Variants in STOX1 observed in about 807,000 individuals in gnomAD.
The protein encoded by STOX1 is storkhead box 1, also known as storkhead-box protein 1.
STOX1 carries 57 observed loss-of-function variants against 74.8 expected under a neutral mutation model. The ratio of observed to expected loss-of-function variants is 0.76; its 90% CI spans 0.62 to 0.95. The LOEUF (loss-of-function observed/expected upper bound fraction) is 0.95. Among genes scored for constraint, STOX1 ranks in the 40% least tolerant of loss-of-function variants. The pLI, the probability that STOX1 is intolerant of heterozygous loss-of-function variation, is 0.00. For missense variants in STOX1, 1,010 were observed against 1,117.0 expected (o/e 0.90, Z 1.37); for synonymous variants, 375 against 401.3 (o/e 0.93, Z 0.78).
At chr10:68,860,421 AAATTAG>A (rs1840235920) in intron 1 of STOX1, among the ~76,000 whole-genome samples, 1 of 151,118 alleles carries the variant, frequency 6.6e-6, no homozygotes, top group Non-Finnish European at 1.5e-5. Flanking sequence ...AAAATACAAA[AAATTAG>A]CCAGGCATGG....
intron 1 of STOX1, among the ~76,000 whole-genome samples, chr10:68,833,806 A>G (rs761664939): frequency 6.6e-5 from 10 of 152,216 alleles, no homozygotes; most frequent in African/African-American, 9.6e-5. Flanking sequence ...TTATAAAACA[A>G]TATGAGAGGG....
intron 1 of STOX1, among the ~76,000 whole-genome samples, chr10:68,875,443 G>A (rs528700144): frequency 1.5e-4 from 23 of 152,240 alleles, no homozygotes; most frequent in African/African-American, 5.1e-4. Flanking sequence ...TGGCAGGAAG[G>A]CAATCTTGAG....
intron 1 of STOX1, among the ~76,000 whole-genome samples, chr10:68,846,123 TTATTATTATTA>T (rs1839845199): frequency 2.0e-5 from 1 of 48,876 alleles, no homozygotes; most frequent in East Asian, 7.1e-4. Flanking sequence ...GAGGTTTTTA[TTATTATTATTA>T]TTATTATTAT....
intron 3 of STOX1, among the ~76,000 whole-genome samples, chr10:68,887,378 A>G (rs1340749877): frequency 3.3e-5 from 5 of 150,126 alleles, no homozygotes; most frequent in Non-Finnish European, 5.9e-5. Flanking sequence ...CGCCTCCTGG[A>G]TTCAAGTGAT....
At chr10:68,863,860 C>T (rs1194293376) in intron 1 of STOX1, among the ~76,000 whole-genome samples, 4 of 151,298 alleles carry the variant, frequency 2.6e-5, no homozygotes, top group African/African-American at 9.7e-5. Context: ...GCTTTTTGAG[C>T]TGAAGTAATA....
intron 1 of STOX1, among the ~76,000 whole-genome samples, chr10:68,840,091 A>G (rs1273710134): frequency 6.6e-6 from 1 of 152,200 alleles, no homozygotes; most frequent in African/African-American, 2.4e-5. Context: ...TGGGGACAAA[A>G]GGGTCTCTTC....
chr10:68,840,969 A>G (rs1377186275), intron 1 of STOX1, among the ~76,000 whole-genome samples: 19 of 147,850 alleles, frequency 1.3e-4, no homozygotes, highest in African/African-American at 4.3e-4. Context: ...TTTTTTGGAG[A>G]CAGTGTCTCG....
chr10:68,827,566 C>G lies in STOX1; in HGVS notation c.-58C>G. The G allele has an allele frequency of 2.8e-6, 3 of 1,066,542 alleles. No individual in the cohort carries two copies. The highest frequency in any genetic ancestry group is 3.4e-5 in the African/African-American group (2 of 59,180). The allele number at this position is 1,066,542 out of a possible 1,614,324, so 66.1% of individuals were successfully genotyped here. ...GATCCTCCCGCCGAGCGAGCGGCGT[C>G]GTAGCCGCCGCGCTCGCCGAGGCCC... On this transcript the variant is annotated 5_prime_UTR_variant, in exon 1 of 4. Transcript: ENST00000298596.
At chr10:68,888,614 T>C (rs186921611) in intron 3 of STOX1, among the ~76,000 whole-genome samples, 6 of 150,604 alleles carry the variant, frequency 4.0e-5, no homozygotes, top group African/African-American at 1.5e-4. Context: ...ATTTGGTTCA[T>C]ATCTTTGCCA....
Position 68,886,518 on chromosome 10 carries a change from C to T in STOX1, c.2722C>T (p.His908Tyr), listed in dbSNP as rs1448654088. The change falls in exon 3 of 4, where the codon CAT becomes TAT. Residue 908 changes from histidine (H) to tyrosine (Y), a missense_variant. Transcript: ENST00000298596. Reference sequence around the variant, plus strand: ...AAAGTTCCAACTTTTCAACACTTCACATATGCCAGTGTTGGCTCAGGATGT... The same window carrying T: ...AAAGTTCCAACTTTTCAACACTTCATATATGCCAGTGTTGGCTCAGGATGT... ...PQKFQLFNTS[H>Y]MPVLAQDVQY... The T allele has an allele frequency of 2.5e-6, 4 of 1,614,022 alleles. No homozygotes were observed. The highest frequency in any genetic ancestry group is 1.7e-5 in the Admixed American group (1 of 60,012).
intron 1 of STOX1, among the ~76,000 whole-genome samples, chr10:68,837,875 A>G (rs1157089998): frequency 6.6e-6 from 1 of 152,176 alleles, no homozygotes; most frequent in African/African-American, 2.4e-5. Flanking sequence ...CTATGCAAAC[A>G]CTTTGAAAAG....
At chr10:68,868,921 T>G (rs1339262588) in intron 1 of STOX1, among the ~76,000 whole-genome samples, 1 of 152,228 alleles carries the variant, frequency 6.6e-6, no homozygotes, top group Non-Finnish European at 1.5e-5. Context: ...ATACTATTAT[T>G]CATCTTGAAG....
intron 1 of STOX1, among the ~76,000 whole-genome samples, chr10:68,864,018 A>G (rs571086832): frequency 2.0e-5 from 3 of 149,302 alleles, no homozygotes; most frequent in South Asian, 2.1e-4. Context: ...TCTGCCTGCC[A>G]GGTTCATGCC....
chr10:68,830,491 C>T (rs1037474494), intron 1 of STOX1, among the ~76,000 whole-genome samples: 25 of 152,040 alleles, frequency 1.6e-4, no homozygotes, highest in East Asian at 7.7e-4. Context: ...TATAGGCACC[C>T]GCCACCTTAC....
At chr10:68,890,649 C>CTTTT (rs11366165) in intron 3 of STOX1, among the ~76,000 whole-genome samples, 3 of 117,376 alleles carry the variant, frequency 2.6e-5, no homozygotes, top group African/African-American at 3.4e-5. Flanking sequence ...AAGACCTTTT[C>CTTTT]TTTTTTTTTT....
chr10:68,892,970 G>A lies in STOX1; in HGVS notation c.*234G>A, dbSNP rs927289744. ...TATTGGGAGTATATAGATTATTTTC[G>A]ATTAAAAAGTGGAATTATTGGTCCC... On this transcript the variant is annotated 3_prime_UTR_variant, in exon 4 of 4. Transcript: ENST00000298596. 30 of 402,194 alleles carry A rather than the reference G, an allele frequency of 7.5e-5. 1 individual carries two copies. Among genetic ancestry groups the A allele is most frequent in the Non-Finnish European group, 9.7e-5 (22 of 227,710 alleles). The allele number at this position is 402,194 out of a possible 1,614,324, so 24.9% of individuals were successfully genotyped here. A position where few individuals can be genotyped will look rare whatever the true frequency, so the allele number is the denominator to read the frequency against.
chr10:68,881,108 T>A (rs1359180769), intron 1 of STOX1, among the ~76,000 whole-genome samples: 1 of 152,248 alleles, frequency 6.6e-6, no homozygotes, highest in Admixed American at 6.5e-5. Flanking sequence ...CTCTATTAGT[T>A]GATTCCCAGA....
At chr10:68,889,446 G>A (rs1347491433) in intron 3 of STOX1, among the ~76,000 whole-genome samples, 1 of 151,830 alleles carries the variant, frequency 6.6e-6, no homozygotes, top group Admixed American at 6.6e-5. Flanking sequence ...CATGAGCCCT[G>A]TACCAGGGCT....
In STOX1 at chr10:68,884,814, G is replaced by A; in HGVS notation, c.1018G>A (p.Glu340Lys). The A allele has an allele frequency of 1.2e-6, 2 of 1,614,220 alleles. No homozygotes were observed. The highest frequency in any genetic ancestry group is 1.7e-6 in the Non-Finnish European group (2 of 1,180,042). Residue 340 changes from glutamate (E) to lysine (K), a missense_variant, in exon 3 of 4, where the codon GAA (glutamate) becomes AAA (lysine). By Grantham distance (56) the Glu-to-Lys change is moderately conservative. Transcript: ENST00000298596. ...HSSFSAQFPPEEWPVRDEDDL... is the reference protein window; with the variant it reads ...HSSFSAQFPPKEWPVRDEDDL... The stretch of plus-strand genomic sequence containing the variant: ...CAGTTTCTCTGCTCAGTTCCCACCT[G>A]AAGAATGGCCCGTCCGAGATGAAGA...
Sources: allele counts gnomAD v4.1 joint callset (sites outside exome capture counted in the v4.1 genomes callset), GRCh38; gene constraint gnomAD v4.1.1; transcripts MANE v1.5; gene names NCBI Gene and HGNC (gene_info 2026-07-23, HGNC 2026-07-21).